DCC: variants seen among roughly 807,000 people sequenced by gnomAD.
The protein encoded by DCC is DCC netrin 1 receptor.
DCC carries 58 observed loss-of-function variants against 172.5 expected under a neutral mutation model. That is an observed-to-expected ratio of 0.34 (90% confidence interval 0.27 to 0.42). DCC has a LOEUF of 0.42. DCC is among the 10% of genes least tolerant of loss of function. The probability of loss-of-function intolerance (pLI) is 1.00; values close to 1 mark genes in which losing one functional copy is unlikely to be tolerated. For missense variants in DCC, 1,740 were observed against 1,791.0 expected (o/e 0.97, Z 0.51); for synonymous variants, 709 against 644.5 (o/e 1.10, Z -1.52).
At chr18:52,862,525 C>G (rs973263597) in intron 2 of DCC, among the ~76,000 whole-genome samples, 2 of 151,880 alleles carry the variant, frequency 1.3e-5, no homozygotes, top group Admixed American at 1.3e-4. Context: ...TGCTGAAACC[C>G]CATCTCTACT....
intron 24 of DCC, among the ~76,000 whole-genome samples, chr18:53,467,274 A>G (rs1257888357): frequency 6.6e-6 from 1 of 152,088 alleles, no homozygotes; most frequent in East Asian, 1.9e-4. Flanking sequence ...AGTTTTTTTA[A>G]TACGTATTAT....
intron 1 of DCC, among the ~76,000 whole-genome samples, chr18:52,670,460 T>C (rs1196304047): frequency 6.6e-6 from 1 of 152,186 alleles, no homozygotes; most frequent in East Asian, 1.9e-4. Flanking sequence ...GAAATCATGG[T>C]TGAGAAAATT....
rs2037252421 is a variant in DCC at position 52,766,340 on chromosome 18, T to A, written c.412+13966T>A. Among the ~76,000 whole-genome samples the A allele has an allele frequency of 2.0e-5, 3 of 152,148 alleles. No individual in the cohort carries two copies. In the South Asian group the frequency reaches 6.2e-4, roughly 32 times the overall value. Reference sequence around the variant, plus strand: ...TCAGCTCTGCCATCTGCAGACAGCTTAAGTGTTAGCAGCTCAGTGGGCCCA... The same window carrying A: ...TCAGCTCTGCCATCTGCAGACAGCTAAAGTGTTAGCAGCTCAGTGGGCCCA... On this transcript the variant is annotated intron_variant, in intron 2 of 28. Coordinates refer to ENST00000442544, the MANE Select transcript of DCC (RefSeq NM_005215.4).
chr18:53,089,594 A>C (rs28681361), intron 7 of DCC, among the ~76,000 whole-genome samples: 20 of 110,802 alleles, frequency 1.8e-4, no homozygotes, highest in East Asian at 5.9e-4. Context: ...AAACCAAAAA[A>C]CAAAAAACAA....
At chr18:52,835,615 T>C (rs769596188) in intron 2 of DCC, among the ~76,000 whole-genome samples, 3 of 152,350 alleles carry the variant, frequency 2.0e-5, no homozygotes, top group African/African-American at 7.2e-5. Context: ...ATCTTCACTT[T>C]AGCAAATTGA....
At chr18:52,604,515 C>T (rs2034091493) in intron 1 of DCC, among the ~76,000 whole-genome samples, 1 of 152,126 alleles carries the variant, frequency 6.6e-6, no homozygotes, top group Non-Finnish European at 1.5e-5. Context: ...CCCATTATTT[C>T]TGAGTTCAAA....
chr18:52,453,916 A>G (rs906117148), intron 1 of DCC, among the ~76,000 whole-genome samples: 1 of 152,208 alleles, frequency 6.6e-6, no homozygotes, highest in Admixed American at 6.5e-5. Flanking sequence ...ACATCTTGAA[A>G]GAGAATTAGT....
intron 7 of DCC, among the ~76,000 whole-genome samples, chr18:53,125,670 A>G (rs2043545369): frequency 6.6e-6 from 1 of 152,060 alleles, no homozygotes; most frequent in South Asian, 2.1e-4. Flanking sequence ...AGTTGCTTTC[A>G]TTGCTAAGTC....
intron 5 of DCC, chr18:52,934,782 A>G (rs2040357763): frequency 6.6e-6 from 1 of 152,152 alleles, no homozygotes; most frequent in South Asian, 2.1e-4. Flanking sequence ...AAGAAGAGTT[A>G]CTGGAGCACT....
intron 7 of DCC, among the ~76,000 whole-genome samples, chr18:53,139,951 G>A (rs1326557202): frequency 6.6e-6 from 1 of 152,140 alleles, no homozygotes. Context: ...AAGGCAGACG[G>A]TATTTATCTT....
intron 2 of DCC, among the ~76,000 whole-genome samples, chr18:52,801,169 G>A (rs375484685): frequency 3.9e-5 from 6 of 152,112 alleles, no homozygotes; most frequent in Admixed American, 1.3e-4. Flanking sequence ...AAATTCAGCT[G>A]AGGCTTAAGA....
chr18:52,616,004 C>T (rs547282195), intron 1 of DCC, among the ~76,000 whole-genome samples: 1 of 152,152 alleles, frequency 6.6e-6, no homozygotes, highest in East Asian at 1.9e-4. Flanking sequence ...ATTTATAAAA[C>T]ATTTGCAAAG....
Position 52,925,314 on chromosome 18 carries a change from G to C in DCC, c.929G>C (p.Cys310Ser). 1.2e-6 allele frequency: 2 copies of C among 1,612,516 alleles called. No individual in the cohort carries two copies. Among genetic ancestry groups the C allele is most frequent in the Non-Finnish European group, 1.7e-6 (2 of 1,178,808 alleles). The change falls in exon 5 of 29, where the codon TGT (cysteine) becomes TCT (serine). Residue 310 changes from cysteine to serine, a missense_variant. Physicochemically the swap from Cys to Ser is moderately radical, Grantham distance 112. This residue lies in a region of DCC where 1,732 missense variants were observed against 1,767.4 expected (regional missense o/e 0.98). Transcript: ENST00000442544. The part of the protein sequence containing the change: ...VTDDDSGMYT[C>S]VVTYKNENIS... Reference sequence around the variant, plus strand: ...GATGATGACAGTGGAATGTATACCTGTGTTGTCACATATAAAAATGAGAAT... The same window carrying C: ...GATGATGACAGTGGAATGTATACCTCTGTTGTCACATATAAAAATGAGAAT...
intron 1 of DCC, among the ~76,000 whole-genome samples, chr18:52,526,100 T>C (rs1257833511): frequency 1.3e-5 from 2 of 152,234 alleles, no homozygotes; most frequent in East Asian, 3.8e-4. Flanking sequence ...GTGGTGGTTG[T>C]CCTTGTAGGA....
chr18:52,839,852 T>TTAG (rs143855527), intron 2 of DCC, among the ~76,000 whole-genome samples: 14 of 152,304 alleles, frequency 9.2e-5, no homozygotes, highest in African/African-American at 3.4e-4. Context: ...TGAAGACTGG[T>TTAG]TAGTTGGAAG....
intron 5 of DCC, among the ~76,000 whole-genome samples, chr18:52,980,936 A>G (rs1364063666): frequency 7.8e-6 from 1 of 128,578 alleles, no homozygotes; most frequent in Non-Finnish European, 1.7e-5. Context: ...GAAAACAAAC[A>G]TACTGCTATT....
chr18:52,507,680 C>G (rs578036324), intron 1 of DCC, among the ~76,000 whole-genome samples: 1 of 152,190 alleles, frequency 6.6e-6, no homozygotes, highest in Admixed American at 6.5e-5. Flanking sequence ...CCAGCTAAAC[C>G]TTTTCTTTTG....
chr18:52,696,204 A>G (rs1193430929), intron 1 of DCC, among the ~76,000 whole-genome samples: 1 of 152,242 alleles, frequency 6.6e-6, no homozygotes, highest in African/African-American at 2.4e-5. Context: ...CATATGTCTA[A>G]TAAAGGACCA....
At chr18:53,005,094 G>A (rs2143856757) in intron 5 of DCC, among the ~76,000 whole-genome samples, 1 of 152,214 alleles carries the variant, frequency 6.6e-6, no homozygotes, top group South Asian at 2.1e-4. Flanking sequence ...TAGCATGAAA[G>A]CCCTAGCCAG....
Sources: gnomAD v4.1 joint callset for allele counts (sites outside exome capture counted in the v4.1 genomes callset) on GRCh38, gnomAD v4.1.1 for gene constraint, gnomAD v4.1.1 regional missense constraint, MANE v1.5 for transcripts, NCBI Gene and HGNC (gene_info 2026-07-23, HGNC 2026-07-21) for gene names.